ADCK1: variants seen among roughly 807,000 people sequenced by gnomAD.
ADCK1 encodes aarF domain containing kinase 1, also known as aarF domain-containing protein kinase 1.
A neutral mutation model predicts 52.3 loss-of-function variants in ADCK1; 41 were observed. The ratio of observed to expected loss-of-function variants is 0.78; its 90% CI spans 0.61 to 1.02. The LOEUF is 1.02. Among genes scored for constraint, ADCK1 ranks in the 50% least tolerant of loss-of-function variants. The pLI is 0.00. For missense variants in ADCK1, 658 were observed against 679.5 expected, an observed-to-expected ratio of 0.97 and a Z score of 0.35; for synonymous variants, 250 against 274.6, an observed-to-expected ratio of 0.91 and a Z score of 0.89.
intron 3 of ADCK1, among the ~76,000 whole-genome samples, chr14:77,826,256 C>T (rs1227210873): frequency 6.6e-6 from 1 of 152,144 alleles, no homozygotes; most frequent in Non-Finnish European, 1.5e-5. Flanking sequence ...TCCATTGGAG[C>T]GCTTATCCCT....
intron 7 of ADCK1, among the ~76,000 whole-genome samples, chr14:77,917,976 C>CT (rs2083964464): frequency 6.6e-6 from 1 of 152,202 alleles, no homozygotes; most frequent in African/African-American, 2.4e-5. Flanking sequence ...TAGGTTTAGA[C>CT]TAACTGCCGA....
intron 1 of ADCK1, among the ~76,000 whole-genome samples, chr14:77,809,433 G>A (rs1378355226): frequency 3.3e-5 from 5 of 152,036 alleles, no homozygotes; most frequent in Admixed American, 6.6e-5. Flanking sequence ...GGGTTCAAGC[G>A]ATTCTCTTGC....
intron 3 of ADCK1, among the ~76,000 whole-genome samples, chr14:77,823,106 C>T (rs928890192): frequency 3.3e-5 from 5 of 152,136 alleles, no homozygotes; most frequent in African/African-American, 9.7e-5. Context: ...AACTCTCTGT[C>T]GTCACTTGGA....
At chr14:77,894,814 A>G (rs1043097315) in intron 5 of ADCK1, among the ~76,000 whole-genome samples, 1 of 131,816 alleles carries the variant, frequency 7.6e-6, no homozygotes, top group Non-Finnish European at 1.5e-5. Context: ...GTACAGTGGC[A>G]TGACCTAGGC....
chr14:77,913,125 C>T (rs2083833355), intron 7 of ADCK1, among the ~76,000 whole-genome samples: 1 of 152,212 alleles, frequency 6.6e-6, no homozygotes, highest in Admixed American at 6.5e-5. Flanking sequence ...GCTTATTTAA[C>T]AATGCAGATT....
At chr14:77,928,083 C>A (rs2084238707) in intron 9 of ADCK1, among the ~76,000 whole-genome samples, 1 of 152,014 alleles carries the variant, frequency 6.6e-6, no homozygotes, top group African/African-American at 2.4e-5. Context: ...TGGAGAGAGG[C>A]AGTGGAGCCA....
intron 3 of ADCK1, among the ~76,000 whole-genome samples, chr14:77,853,833 C>T (rs1402263890): frequency 6.6e-6 from 1 of 152,166 alleles, no homozygotes; most frequent in Admixed American, 6.5e-5. Context: ...TCTCTCCTCA[C>T]TGCTCTGTCC....
At chr14:77,858,963 C>T in intron 3 of ADCK1, 113 bp from the exon 4 acceptor site, 1 of 1,002,868 alleles carries the variant, frequency 1.0e-6, no homozygotes, top group East Asian at 2.4e-5. Context: ...TGCATCTGCC[C>T]TGGGCATTGT....
Position 77,899,115 on chromosome 14 carries a change from G to A in ADCK1, c.598G>A (p.Val200Met), listed in dbSNP as rs2140238099. Residue 200 changes from valine to methionine, a missense_variant, in exon 6 of 11, where the codon GTG (valine) becomes ATG (methionine). By Grantham distance (21) the Val-to-Met change is conservative (BLOSUM62 1). Transcript: ENST00000238561. Reference protein sequence around the residue: ...ILLMEVLVLAVKQLFPEFEFM... With the variant: ...ILLMEVLVLAMKQLFPEFEFM... Reference sequence around the variant, plus strand: ...TGGATTTCAGGTGCTCGTTCTGGCTGTGAAGCAGCTGTTCCCAGAGTTTGA... The same window carrying A: ...TGGATTTCAGGTGCTCGTTCTGGCTATGAAGCAGCTGTTCCCAGAGTTTGA... 1 of 1,613,920 alleles carries A rather than the reference G, an allele frequency of 6.2e-7. No homozygotes were observed. Among genetic ancestry groups the A allele is most frequent in the African/African-American group, 1.3e-5 (1 of 75,060 alleles).
chr14:77,858,777 A>G (rs1453238866), intron 3 of ADCK1, among the ~76,000 whole-genome samples: 1 of 152,104 alleles, frequency 6.6e-6, no homozygotes, highest in African/African-American at 2.4e-5. Flanking sequence ...AAAGCCTTGA[A>G]TGCTTATTTC....
chr14:77,869,245 G>T (rs1388068510), intron 4 of ADCK1, among the ~76,000 whole-genome samples: 1 of 152,232 alleles, frequency 6.6e-6, no homozygotes, highest in East Asian at 1.9e-4. Flanking sequence ...AGAGGTCTGA[G>T]ATCAAGGTAT....
intron 1 of ADCK1, among the ~76,000 whole-genome samples, chr14:77,815,165 A>G (rs1188844789): frequency 6.7e-6 from 1 of 148,220 alleles, no homozygotes; most frequent in Non-Finnish European, 1.5e-5. Flanking sequence ...CCAGGAATCT[A>G]CATTTTAAAA....
At chr14:77,834,698 C>T (rs1044929482) in intron 3 of ADCK1, among the ~76,000 whole-genome samples, 2 of 152,230 alleles carry the variant, frequency 1.3e-5, no homozygotes, top group Admixed American at 1.3e-4. Context: ...GTGTGCATGT[C>T]TGCAGCTCCC....
intron 3 of ADCK1, among the ~76,000 whole-genome samples, chr14:77,851,626 G>A (rs1338360907): frequency 6.6e-6 from 1 of 152,014 alleles, no homozygotes; most frequent in Non-Finnish European, 1.5e-5. Flanking sequence ...TGGTTTATGA[G>A]TTATAATTCT....
At chr14:77,821,041 C>T (rs1050097611) in intron 2 of ADCK1, 1 of 151,978 alleles carries the variant, frequency 6.6e-6, no homozygotes, top group Non-Finnish European at 1.5e-5. Flanking sequence ...TTAGACTAGT[C>T]AAGTGCAATA....
Position 77,924,492 on chromosome 14 carries a change from G to A in ADCK1, c.894G>A (p.Met298Ile). The change falls in exon 8 of 11, where the codon ATG becomes ATA. Residue 298 changes from methionine (M) to isoleucine (I), a missense_variant. Transcript: ENST00000238561. Reference sequence around the variant, plus strand: ...ACCTGGGCAAGATGTATAGTGAGATGATCTTCGTCAATGGCTTCGTGCACT... The same window carrying A: ...ACCTGGGCAAGATGTATAGTGAGATAATCTTCGTCAATGGCTTCGTGCACT... The part of the protein sequence containing the change: ...SRHLGKMYSE[M>I]IFVNGFVHCD... The A allele has an allele frequency of 6.2e-7, 1 of 1,614,118 alleles. No homozygotes were observed. The highest frequency in any genetic ancestry group is 1.1e-5 in the South Asian group (1 of 91,090).
chr14:77,879,063 C>T (rs570337541), intron 4 of ADCK1, among the ~76,000 whole-genome samples: 7 of 152,236 alleles, frequency 4.6e-5, no homozygotes, highest in African/African-American at 1.7e-4. Flanking sequence ...TCTCAAGGTA[C>T]CCAGCACCTA....
intron 7 of ADCK1, among the ~76,000 whole-genome samples, chr14:77,921,152 C>G (rs952810597): frequency 6.6e-6 from 1 of 150,538 alleles, no homozygotes; most frequent in African/African-American, 2.4e-5. Context: ...ACGGTGAAAC[C>G]CTGTCTCTAC....
chr14:77,876,690 A>G (rs1022304728), intron 4 of ADCK1, among the ~76,000 whole-genome samples: 1 of 152,204 alleles, frequency 6.6e-6, no homozygotes, highest in Admixed American at 6.5e-5. Flanking sequence ...GCAGAGAGAG[A>G]TGGGTCGCTG....
Sources: allele counts gnomAD v4.1 joint callset (sites outside exome capture counted in the v4.1 genomes callset), GRCh38; gene constraint gnomAD v4.1.1; transcripts MANE v1.5; gene names NCBI Gene and HGNC (gene_info 2026-07-23, HGNC 2026-07-21).